The following PNN variants were observed in gnomAD, a reference collection of about 807,000 sequenced individuals.
PNN encodes pinin, desmosome associated protein, also known as pinin.
Under a neutral mutation model 76.6 loss-of-function variants are expected in PNN, and 38 were observed. The ratio of observed to expected loss-of-function variants is 0.50; its 90% CI spans 0.38 to 0.65. The LOEUF is 0.65. Among genes scored for constraint, PNN ranks in the 30% least tolerant of loss-of-function variants. The probability of loss-of-function intolerance (pLI) is 0.00; values close to 1 mark genes in which losing one functional copy is unlikely to be tolerated. For missense variants in PNN, 873 were observed against 874.1 expected, an observed-to-expected ratio of 1.00 and a Z score of 0.02; for synonymous variants, 366 against 283.7, an observed-to-expected ratio of 1.29 and a Z score of -2.91.
Position 39,177,458 on chromosome 14 carries a change from G to T in PNN, c.301G>T (p.Asp101Tyr). The T allele has an allele frequency of 1.2e-6, 2 of 1,613,986 alleles. No individual in the cohort carries two copies. Among genetic ancestry groups the T allele is most frequent in the South Asian group, 2.2e-5 (2 of 90,998 alleles). The change falls in exon 4 of 9, where the codon GAC becomes TAC. Residue 101 changes from aspartate (D) to tyrosine (Y), a missense_variant. Transcript: ENST00000216832. ...RTRRESRQES[D>Y]PEDDDVKKPA... ...CAGAAGAGAATCACGCCAGGAAAGCGACCCGGAGGATGATGATGTTAAAAA... is the reference window on the plus strand; with the variant it reads ...CAGAAGAGAATCACGCCAGGAAAGCTACCCGGAGGATGATGATGTTAAAAA...
chr14:39,180,366 T>G (rs2053260171), intron 8 of PNN, 137 bp from the exon 9 acceptor site: 2 of 843,174 alleles, frequency 2.4e-6, no homozygotes, highest in African/African-American at 3.4e-5. Flanking sequence ...GGTTACTTAA[T>G]TGCCATAATC....
In PNN at chr14:39,181,397, G is replaced by C; in HGVS notation, c.1688G>C (p.Arg563Thr). 1.2e-6 allele frequency: 2 copies of C among 1,614,246 alleles called. No individual in the cohort carries two copies. The highest frequency in any genetic ancestry group is 1.7e-6 in the Non-Finnish European group (2 of 1,180,048). The change falls in exon 9 of 9, where the codon AGA becomes ACA. Residue 563 changes from arginine to threonine, a missense_variant. Transcript: ENST00000216832. ...KSKTKTRSRSRGRARNKTSKS... is the reference protein window; with the variant it reads ...KSKTKTRSRSTGRARNKTSKS... ...AAAACCAAAACTAGGAGCAGAAGTA[G>C]AGGTCGAGCTAGAAATAAAACAAGC...
In PNN at chr14:39,179,241, C is replaced by A; in HGVS notation, c.649C>A (p.Gln217Lys). 1 of 1,612,346 alleles carries A rather than the reference C, an allele frequency of 6.2e-7. No individual in the cohort carries two copies. Among genetic ancestry groups the A allele is most frequent in the Non-Finnish European group, 8.5e-7 (1 of 1,179,542 alleles). ...RLLEQKVELA[Q>K]LQEEWNEHNA... is the part of the protein sequence containing the mutation. ...TTTGGAACAGAAAGTTGAGCTTGCG[C>A]AGCTGGTGAGTGGTAATTTGGAATT... The change falls in exon 7 of 9, where the codon CAG (glutamine) becomes AAG (lysine). Residue 217 changes from glutamine (Q) to lysine (K), a missense_variant. Physicochemically the swap from Gln to Lys is moderately conservative, Grantham distance 53. This residue lies in a region of PNN where 712 missense variants were observed against 693.1 expected (regional missense o/e 1.03). Coordinates refer to ENST00000216832, the MANE Select transcript of PNN (RefSeq NM_002687.4).
intron 6 of PNN, among the ~76,000 whole-genome samples, chr14:39,178,383 T>C (rs963218837): frequency 6.6e-6 from 1 of 151,876 alleles, no homozygotes; most frequent in Admixed American, 6.6e-5. Context: ...AATACAAAAT[T>C]AGCCGCCTGT....
At chr14:39,176,210 G>A in intron 2 of PNN, 61 bp downstream of exon 2, 1 of 971,400 alleles carries the variant, frequency 1.0e-6, no homozygotes, top group East Asian at 2.4e-5. Flanking sequence ...AAATATGTTG[G>A]TTTGAACAAA....
In PNN at chr14:39,177,859, CTTG is replaced by C. The variant is rs1276568731; in HGVS notation, c.445_447del (p.Leu149del). The C allele has an allele frequency of 6.2e-7, 1 of 1,611,188 alleles. No individual in the cohort carries two copies. The highest frequency in any genetic ancestry group is 8.5e-7 in the Non-Finnish European group (1 of 1,177,712). On this transcript the variant is annotated inframe_deletion, in exon 6 of 9. Coordinates refer to ENST00000216832, the MANE Select transcript of PNN (RefSeq NM_002687.4). The stretch of plus-strand genomic sequence containing the variant: ...TCTTTAGGAACCGGCGAATATTTGG[CTTG>C]TTGATGGGTACCCTTCAAAAATTTA...
chr14:39,175,491 T>C (rs1594553022), intron 1 of PNN, 99 bp downstream of exon 1: 1 of 761,460 alleles, frequency 1.3e-6, no homozygotes, highest in Non-Finnish European at 2.3e-6. Context: ...TTAAGAAGAC[T>C]GGAACCTCGA....
At position 39,179,229 on chromosome 14, in the gene PNN, G is replaced by A. The variant is rs1242345113; in HGVS notation, c.637G>A (p.Val213Ile). The A allele has an allele frequency of 6.2e-7, 1 of 1,612,378 alleles. No homozygotes were observed. Among genetic ancestry groups the A allele is most frequent in the African/African-American group, 1.3e-5 (1 of 74,916 alleles). The change falls in exon 7 of 9, where the codon GTT (valine) becomes ATT (isoleucine). Residue 213 changes from valine to isoleucine, a missense_variant. By Grantham distance (29) the Val-to-Ile change is conservative. Transcript: ENST00000216832. ...QTELRLLEQKVELAQLQEEWN... is the reference protein window; with the variant it reads ...QTELRLLEQKIELAQLQEEWN... ...AGAACTGCGGCTTTTGGAACAGAAAGTTGAGCTTGCGCAGCTGGTGAGTGG... is the reference window on the plus strand; with the variant it reads ...AGAACTGCGGCTTTTGGAACAGAAAATTGAGCTTGCGCAGCTGGTGAGTGG...
In PNN at chr14:39,175,757, G is replaced by C. The variant is rs557833775; in HGVS notation, c.114-321G>C. 3.4e-5 allele frequency: 16 copies of C among 467,270 alleles called. No homozygotes were observed. In the East Asian group the frequency reaches 6.6e-4, roughly 19 times the overall value. The allele number at this position is 467,270 out of a possible 1,614,324, so 28.9% of individuals were successfully genotyped here. On this transcript the variant is annotated intron_variant, in intron 1 of 8. Transcript: ENST00000216832. ...CCGTTGCTGGCCCCGAGACCCTGCC[G>C]GGACGCAACAAGCCGCCTTACCCCA... is the stretch of plus-strand genomic sequence containing the variant.
In PNN at chr14:39,181,084, G is replaced by A. The variant is rs1425809651; in HGVS notation, c.1375G>A (p.Glu459Lys). Residue 459 changes from glutamate (E) to lysine (K), a missense_variant, in exon 9 of 9, where the codon GAG becomes AAG. By Grantham distance (56) the Glu-to-Lys change is moderately conservative. Transcript: ENST00000216832. ...VSALDMEKES[E>K]EKEEKESEPQ... ...TGCTTTAGACATGGAAAAGGAGTCTGAGGAAAAAGAAGAAAAAGAATCTGA... is the reference window on the plus strand; with the variant it reads ...TGCTTTAGACATGGAAAAGGAGTCTAAGGAAAAAGAAGAAAAAGAATCTGA... 1 of 1,613,896 alleles carries A rather than the reference G, an allele frequency of 6.2e-7. No individual in the cohort carries two copies.
At chr14:39,177,133 C>G (rs972906431) in intron 3 of PNN, among the ~76,000 whole-genome samples, 4 of 152,126 alleles carry the variant, frequency 2.6e-5, no homozygotes, top group African/African-American at 9.7e-5. Flanking sequence ...CCCTGTAATC[C>G]CAGCACTTTG....
rs371098648 is a variant in PNN at position 39,177,696 on chromosome 14, C to G, written c.422+9C>G. 3.4e-5 allele frequency: 55 copies of G among 1,598,550 alleles called. No homozygotes were observed. Among genetic ancestry groups the G allele is most frequent in the Admixed American group, 6.7e-5 (4 of 59,944 alleles). On this transcript the variant is annotated intron_variant, in intron 5 of 8. Coordinates refer to ENST00000216832, the MANE Select transcript of PNN (RefSeq NM_002687.4). ...GAAAAGGGAAAGCAAAGGTATTTCCCTGGGGGAAAAAAACTCTAGTGAAAT... is the reference window on the plus strand; with the variant it reads ...GAAAAGGGAAAGCAAAGGTATTTCCGTGGGGGAAAAAAACTCTAGTGAAAT...
chr14:39,175,945 T>A lies in PNN; in HGVS notation c.114-133T>A, dbSNP rs1004268750. Reference sequence around the variant, plus strand: ...GTACTTCCTGTCCTGTTTCAGACATTTAGATTTATTTGAAACTATCTTTTT... The same window carrying A: ...GTACTTCCTGTCCTGTTTCAGACATATAGATTTATTTGAAACTATCTTTTT... On this transcript the variant is annotated intron_variant, in intron 1 of 8. Transcript: ENST00000216832. 4.8e-6 allele frequency: 3 copies of A among 625,822 alleles called. No homozygotes were observed. The Admixed American group carries it at 8.9e-5, about 19-fold the overall frequency. The allele number at this position is 625,822 out of a possible 1,614,324, so 38.8% of individuals were successfully genotyped here.
chr14:39,178,533 A>G (rs539633778), intron 6 of PNN, among the ~76,000 whole-genome samples: 14 of 152,146 alleles, frequency 9.2e-5, no homozygotes, highest in South Asian at 2.1e-4. Context: ...CTCCATCTCA[A>G]AAAAAGAAAA....
At chr14:39,180,055 A>G (rs929995403) in intron 8 of PNN, among the ~76,000 whole-genome samples, 1 of 152,092 alleles carries the variant, frequency 6.6e-6, no homozygotes, top group African/African-American at 2.4e-5. Flanking sequence ...TTTGCATGCT[A>G]TTATTGTTCT....
chr14:39,182,184 A>G lies in PNN; in HGVS notation c.*321A>G. ...GTATATTTTAATAGGCAAATCTTTA[A>G]GTCTGTTCCCTTCTAATTCTGTATC... On this transcript the variant is annotated 3_prime_UTR_variant, in exon 9 of 9. Transcript: ENST00000216832. The G allele has an allele frequency of 5.1e-6, 1 of 197,612 alleles. No homozygotes were observed. The highest frequency in any genetic ancestry group is 1.1e-4 in the South Asian group (1 of 9,316). 12.2% of individuals were successfully genotyped at this position (197,612 alleles called of 1,614,324 possible). A position where few individuals can be genotyped will look rare whatever the true frequency, so the allele number is the denominator to read the frequency against.
Position 39,177,639 on chromosome 14 carries a change from G to A in PNN, c.374G>A (p.Arg125His). Residue 125 changes from arginine (R) to histidine (H), a missense_variant, in exon 5 of 9, where the codon CGT becomes CAT. By Grantham distance (29) the Arg-to-His change is conservative. Transcript: ENST00000216832. ...SVVATSKERTRRDLIQDQNMD... is the reference protein window; with the variant it reads ...SVVATSKERTHRDLIQDQNMD... ...GTAGCTACCTCCAAAGAGCGCACAC[G>A]TAGAGACCTTATCCAGGATCAAAAT... The A allele has an allele frequency of 6.2e-7, 1 of 1,613,864 alleles. No homozygotes were observed. Among genetic ancestry groups the A allele is most frequent in the South Asian group, 1.1e-5 (1 of 91,078 alleles).
chr14:39,181,192 C>T lies in PNN; in HGVS notation c.1483C>T (p.Gln495Ter). 6.2e-7 allele frequency: 1 copy of T among 1,610,668 alleles called. No individual in the cohort carries two copies. ...TCAATCCCAGTCCCAACCAGTACTC[C>T]AGTCCCAGCCTCCCTCTCAGCCTGA... is the stretch of plus-strand genomic sequence containing the variant. ...QLQSQSQPVL[Q>*]SQPPSQPEDL... is the part of the protein sequence containing the mutation. The change falls in exon 9 of 9, where the codon CAG becomes TAG. Residue 495 changes from glutamine to a stop codon, truncating the protein, a stop_gained. Transcript: ENST00000216832. LOFTEE classifies it high-confidence loss of function.
At chr14:39,176,227 G>A in intron 2 of PNN, 78 bp downstream of exon 2, 1 of 845,738 alleles carries the variant, frequency 1.2e-6, no homozygotes, top group East Asian at 2.4e-5. Context: ...CAAAACCTGT[G>A]ATAAAATCAA....
Sources: allele counts gnomAD v4.1 joint callset (sites outside exome capture counted in the v4.1 genomes callset), GRCh38; gene constraint gnomAD v4.1.1; regional missense constraint gnomAD v4.1.1; transcripts MANE v1.5; gene names NCBI Gene and HGNC (gene_info 2026-07-23, HGNC 2026-07-21).